The following MUC17 variants were observed in gnomAD, a reference collection of about 807,000 sequenced individuals.
The protein encoded by MUC17 is mucin-17.
MUC17 carries 190 observed loss-of-function variants against 170.3 expected under a neutral mutation model. The ratio of observed to expected loss-of-function variants is 1.12; its 90% CI spans 0.99 to 1.26. The LOEUF (loss-of-function observed/expected upper bound fraction) is 1.26. Among genes scored for constraint, MUC17 ranks in the 50% most tolerant of loss-of-function variants. MUC17 has a pLI of 0.00. For synonymous variants in MUC17, 2,325 were observed against 2,002.5 expected, an observed-to-expected ratio of 1.16 and a Z score of -4.30; for missense variants, 6,415 against 5,530.0, an observed-to-expected ratio of 1.16 and a Z score of -5.08.
chr7:101,038,090 T>C lies in MUC17; in HGVS notation c.6674T>C (p.Met2225Thr), dbSNP rs1365352878. 2 of 1,406,392 alleles carry C rather than the reference T, an allele frequency of 1.4e-6. No homozygotes were observed. The highest frequency in any genetic ancestry group is 1.9e-6 in the Non-Finnish European group (2 of 1,050,326). 87.1% of individuals were successfully genotyped at this position (1,406,392 alleles called of 1,614,324 possible). A position where few individuals can be genotyped will look rare whatever the true frequency, so the allele number is the denominator to read the frequency against. The change falls in exon 3 of 13, where the codon ATG becomes ACG. Residue 2225 changes from methionine to threonine, a missense_variant. Transcript: ENST00000306151. ...PSEGSTPFTSMPVSTMPVVTS... is the reference protein window; with the variant it reads ...PSEGSTPFTSTPVSTMPVVTS... ...GAAGGAAGCACTCCATTCACAAGTATGCCTGTCAGCACCATGCCGGTAGTT... is the reference window on the plus strand; with the variant it reads ...GAAGGAAGCACTCCATTCACAAGTACGCCTGTCAGCACCATGCCGGTAGTT...
Position 101,037,488 on chromosome 7 carries a change from A to G in MUC17, c.6072A>G (p.Ser2024=). ...TPATTSTEGS[S]SPTTAGGTSI... Reference sequence around the variant, plus strand: ...CCACCACTTCTACTGAAGGCAGTTCATCTCCTACAACTGCAGGAGGTACCA... The same window carrying G: ...CCACCACTTCTACTGAAGGCAGTTCGTCTCCTACAACTGCAGGAGGTACCA... Residue 2024 remains serine, a synonymous_variant, in exon 3 of 13, where the codon TCA becomes TCG. Transcript: ENST00000306151. 3.1e-6 allele frequency: 5 copies of G among 1,613,130 alleles called. No individual in the cohort carries two copies. Among genetic ancestry groups the G allele is most frequent in the East Asian group, 2.2e-5 (1 of 44,844 alleles).
rs1402238407 is a variant in MUC17, at chr7:101,042,365, C to T, written c.10949C>T (p.Ser3650Phe). 1.2e-6 allele frequency: 2 copies of T among 1,614,140 alleles called. No homozygotes were observed. The part of the protein sequence containing the change: ...MPVSTTSVTI[S>F]EAGTASTLPV... ...GTCAGCACCACATCGGTGACCATTT[C>T]TGAGGCTGGCACAGCTTCAACACTT... The change falls in exon 3 of 13, where the codon TCT becomes TTT. Residue 3650 changes from serine (S) to phenylalanine (F), a missense_variant. By Grantham distance (155) the Ser-to-Phe change is radical (BLOSUM62 -2). Coordinates refer to ENST00000306151, the MANE Select transcript of MUC17 (RefSeq NM_001040105.2).
chr7:101,043,882 G>C, intron 3 of MUC17, 63 bp downstream of exon 3: 1 of 1,460,866 alleles, frequency 6.8e-7, no homozygotes, highest in Non-Finnish European at 9.3e-7. Context: ...GGGTACATGT[G>C]CACAACGTGC....
Position 101,040,445 on chromosome 7 carries a change from C to T in MUC17, c.9029C>T (p.Thr3010Ile), listed in dbSNP as rs530473308. 1 of 1,611,948 alleles carries T rather than the reference C, an allele frequency of 6.2e-7. No homozygotes were observed. Among genetic ancestry groups the T allele is most frequent in the South Asian group, 1.1e-5 (1 of 90,836 alleles). ...TCTGAGGCTAGCACCCTTTCAAGAA[C>T]TCCTGCTGACACCAGCACACCTGTG... is the stretch of plus-strand genomic sequence containing the variant. Reference protein sequence around the residue: ...ASSEASTLSRTPADTSTPVTT... With the variant: ...ASSEASTLSRIPADTSTPVTT... Residue 3010 changes from threonine (T) to isoleucine (I), a missense_variant, in exon 3 of 13, where the codon ACT becomes ATT. By Grantham distance (89) the Thr-to-Ile change is moderately conservative. Transcript: ENST00000306151.
intron 5 of MUC17, 61 bp downstream of exon 5, chr7:101,049,033 G>T (rs928149001): frequency 7.5e-6 from 12 of 1,609,470 alleles, no homozygotes; most frequent in Non-Finnish European, 1.0e-5. Flanking sequence ...GAGTCTGTAG[G>T]GTAAGAAGGT....
chr7:101,043,424 C>T lies in MUC17; in HGVS notation c.12008C>T (p.Thr4003Ile), dbSNP rs756380404. 1.9e-6 allele frequency: 3 copies of T among 1,614,176 alleles called. No individual in the cohort carries two copies. Among genetic ancestry groups the T allele is most frequent in the Admixed American group, 3.3e-5 (2 of 60,020 alleles). The change falls in exon 3 of 13, where the codon ACA (threonine) becomes ATA (isoleucine). Residue 4003 changes from threonine to isoleucine, a missense_variant. Coordinates refer to ENST00000306151, the MANE Select transcript of MUC17 (RefSeq NM_001040105.2). ...GCAATGACTACTGCAGCTCCCCTCACATATGTGACCATGTCTACTGCCCCC... is the reference window on the plus strand; with the variant it reads ...GCAATGACTACTGCAGCTCCCCTCATATATGTGACCATGTCTACTGCCCCC... ...TPAMTTAAPL[T>I]YVTMSTAPST...
Position 101,048,075 on chromosome 7 carries a change from T to C in MUC17, c.12495T>C (p.Tyr4165=). The C allele has an allele frequency of 1.2e-6, 2 of 1,604,644 alleles. No individual in the cohort carries two copies. Among genetic ancestry groups the C allele is most frequent in the South Asian group, 1.1e-5 (1 of 89,548 alleles). Residue 4165 remains tyrosine, a synonymous_variant, in exon 4 of 13, where the codon TAT becomes TAC. Coordinates refer to ENST00000306151, the MANE Select transcript of MUC17 (RefSeq NM_001040105.2). Reference sequence around the variant, plus strand: ...AGTGCCAGTGTCCCAACCTCTATTATGGGGAGTTGTGTGAGGAGGTGGTCA... The same window carrying C: ...AGTGCCAGTGTCCCAACCTCTATTACGGGGAGTTGTGTGAGGAGGTGGTCA... The part of the protein sequence containing the change: ...GLKCQCPNLY[Y]GELCEEVVSS...
rs1447840708 is a variant in MUC17 at position 101,042,037 on chromosome 7, C to G, written c.10621C>G (p.Pro3541Ala). ...SSEASTLSTTPVDSNTFVTSS... is the reference protein window; with the variant it reads ...SSEASTLSTTAVDSNTFVTSS... Reference sequence around the variant, plus strand: ...TGAGGCTAGCACCCTTTCAACAACTCCTGTTGACTCCAACACTTTTGTTAC... The same window carrying G: ...TGAGGCTAGCACCCTTTCAACAACTGCTGTTGACTCCAACACTTTTGTTAC... Residue 3541 changes from proline (P) to alanine (A), a missense_variant, in exon 3 of 13, where the codon CCT becomes GCT. Pro to Ala is a conservative substitution (Grantham distance 27). Transcript: ENST00000306151. The G allele has an allele frequency of 1.2e-6, 2 of 1,613,400 alleles. No individual in the cohort carries two copies. The highest frequency in any genetic ancestry group is 1.7e-6 in the Non-Finnish European group (2 of 1,179,842).
intron 6 of MUC17, among the ~76,000 whole-genome samples, chr7:101,050,086 G>A (rs919736857): frequency 3.9e-5 from 6 of 152,164 alleles, no homozygotes; most frequent in African/African-American, 4.8e-5. Flanking sequence ...AGCCAGGATC[G>A]CACCATTGCT....
In MUC17 at chr7:101,040,426, G is replaced by A. The variant is rs1487382053; in HGVS notation, c.9010G>A (p.Ala3004Thr). Residue 3004 changes from alanine (A) to threonine (T), a missense_variant, in exon 3 of 13, where the codon GCT (alanine) becomes ACT (threonine). Transcript: ENST00000306151. ...VSTMPVASSE[A>T]STLSRTPADT... ...CACCATGCCGGTGGCCAGTTCTGAGGCTAGCACCCTTTCAAGAACTCCTGC... is the reference window on the plus strand; with the variant it reads ...CACCATGCCGGTGGCCAGTTCTGAGACTAGCACCCTTTCAAGAACTCCTGC... The A allele has an allele frequency of 1.2e-6, 2 of 1,611,244 alleles. No homozygotes were observed. The highest frequency in any genetic ancestry group is 4.5e-5 in the East Asian group (2 of 44,650).
rs1276588669 is a variant in MUC17, at chr7:101,034,589, A to T, written c.3173A>T (p.Glu1058Val). The T allele has an allele frequency of 3.1e-6, 5 of 1,607,078 alleles. No individual in the cohort carries two copies. The highest frequency in any genetic ancestry group is 4.3e-6 in the Non-Finnish European group (5 of 1,174,954). The stretch of plus-strand genomic sequence containing the variant: ...AGCACCACAATGGTGGCCAGTTCTG[A>T]AACGAGCACACTTTCAACAACTCCT... The part of the protein sequence containing the change: ...PVSTTMVASS[E>V]TSTLSTTPAD... The change falls in exon 3 of 13, where the codon GAA (glutamate) becomes GTA (valine). Residue 1058 changes from glutamate to valine, a missense_variant. By Grantham distance (121) the Glu-to-Val change is moderately radical. Transcript: ENST00000306151.
At chr7:101,049,050 G>T in intron 5 of MUC17, 78 bp downstream of exon 5, 1 of 1,599,194 alleles carries the variant, frequency 6.3e-7, no homozygotes, top group East Asian at 2.2e-5. Context: ...AGGTAGCTGG[G>T]GGCTGTTCCC....
At chr7:101,026,606 A>C (rs562502583) in intron 1 of MUC17, among the ~76,000 whole-genome samples, 2 of 152,264 alleles carry the variant, frequency 1.3e-5, no homozygotes, top group South Asian at 4.1e-4. Flanking sequence ...TTTTTAAGAG[A>C]TATGACCTCG....
At chr7:101,021,353 A>C (rs28441585) in intron 1 of MUC17, among the ~76,000 whole-genome samples, 1 of 151,290 alleles carries the variant, frequency 6.6e-6, no homozygotes, top group African/African-American at 2.4e-5. Flanking sequence ...GCCCAGCTAG[A>C]TTTTGTATAT....
chr7:101,025,760 C>G (rs562649136), intron 1 of MUC17, among the ~76,000 whole-genome samples: 13 of 148,538 alleles, frequency 8.8e-5, no homozygotes, highest in African/African-American at 3.2e-4. Context: ...TGCCACTGCG[C>G]TCCAGCCTGG....
rs760062564 is a variant in MUC17 at position 101,034,343 on chromosome 7, C to T, written c.2927C>T (p.Ser976Leu). The T allele has an allele frequency of 1.8e-5, 29 of 1,608,586 alleles. No individual in the cohort carries two copies. In the Admixed American group the frequency reaches 4.0e-4, roughly 22 times the overall value. ...GCTGAAGGTACCAGCATACCAACCT[C>T]GACTCCTAGTGAAGGAACGACTCCA... is the stretch of plus-strand genomic sequence containing the variant. ...TTAEGTSIPTSTPSEGTTPLT... is the reference protein window; with the variant it reads ...TTAEGTSIPTLTPSEGTTPLT... The change falls in exon 3 of 13, where the codon TCG (serine) becomes TTG (leucine). Residue 976 changes from serine to leucine, a missense_variant. By Grantham distance (145) the Ser-to-Leu change is moderately radical (BLOSUM62 -2). Transcript: ENST00000306151.
In MUC17 at chr7:101,041,661, G is replaced by A. The variant is rs1041709912; in HGVS notation, c.10245G>A (p.Glu3415=). Residue 3415 remains glutamate, a synonymous_variant, in exon 3 of 13, where the codon GAG becomes GAA. Transcript: ENST00000306151. ...GCACCACGCCGGTGGTCAGTTCTGA[G>A]GTTAACACCCTTTCAACAACTCCTG... is the stretch of plus-strand genomic sequence containing the variant. ...PVSTTPVVSS[E]VNTLSTTPVD... 6.2e-7 allele frequency: 1 copy of A among 1,613,550 alleles called. No homozygotes were observed. The highest frequency in any genetic ancestry group is 1.1e-5 in the South Asian group (1 of 91,044).
chr7:101,058,623 C>G lies in MUC17; in HGVS notation c.*579C>G, dbSNP rs1190850475. On this transcript the variant is annotated 3_prime_UTR_variant, in exon 13 of 13. Coordinates refer to ENST00000306151, the MANE Select transcript of MUC17 (RefSeq NM_001040105.2). ...CGACCCGCTGTTTACAACCATGACC[C>G]CTTGGACACTGGACTGCATGCACTT... 1 of 152,242 alleles carries G rather than the reference C, an allele frequency of 6.6e-6. No homozygotes were observed. Among genetic ancestry groups the G allele is most frequent in the Non-Finnish European group, 1.5e-5 (1 of 68,096 alleles). 9.4% of individuals were successfully genotyped at this position (152,242 alleles called of 1,614,324 possible).
At position 101,051,279 on chromosome 7, in the gene MUC17, C is replaced by A. The variant is rs192098367; in HGVS notation, c.12875-334C>A. On this transcript the variant is annotated intron_variant, in intron 7 of 12. Coordinates refer to ENST00000306151, the MANE Select transcript of MUC17 (RefSeq NM_001040105.2). The stretch of plus-strand genomic sequence containing the variant: ...ACTTGGGAGGCTGAGGCAGGAGAAT[C>A]GCTTGAAACCGGGAAGCAGAGGTTG... Among the ~76,000 whole-genome samples, 924 of 143,630 alleles carry A rather than the reference C, an allele frequency of 6.4e-3. 4 individuals are homozygous for A. Among genetic ancestry groups the A allele is most frequent in the Non-Finnish European group, 8.5e-3 (566 of 66,654 alleles). The allele number at this position is 143,630 out of a possible 152,430, so 94.2% of individuals were successfully genotyped here.
Sources: allele counts gnomAD v4.1 joint callset (sites outside exome capture counted in the v4.1 genomes callset), GRCh38; gene constraint gnomAD v4.1.1; transcripts MANE v1.5; gene names NCBI Gene and HGNC (gene_info 2026-07-23, HGNC 2026-07-21).